The following CCDC175 variants were observed in gnomAD, a reference collection of about 807,000 sequenced individuals.
CCDC175 encodes coiled-coil domain containing 175.
CCDC175 carries 100 observed loss-of-function variants against 114.6 expected under a neutral mutation model. That is an observed-to-expected ratio of 0.87 (90% CI 0.74 to 1.03). The LOEUF is 1.03. Among genes scored for constraint, CCDC175 ranks in the 50% least tolerant of loss-of-function variants. The pLI, the probability that CCDC175 is intolerant of heterozygous loss-of-function variation, is 0.00. For synonymous variants in CCDC175, 306 were observed against 308.7 expected, an observed-to-expected ratio of 0.99 and a Z score of 0.09; for missense variants, 880 against 917.8, an observed-to-expected ratio of 0.96 and a Z score of 0.53.
intron 8 of CCDC175, among the ~76,000 whole-genome samples, chr14:59,547,108 T>TG (rs1895159994): frequency 6.6e-6 from 1 of 152,122 alleles, no homozygotes; most frequent in South Asian, 2.1e-4. Context: ...CTGAAAATTT[T>TG]GCAGAACTTA....
chr14:59,549,719 C>CAAAAAAA (rs370269871), intron 8 of CCDC175, among the ~76,000 whole-genome samples: 1 of 89,634 alleles, frequency 1.1e-5, no homozygotes, highest in African/African-American at 4.3e-5. Flanking sequence ...GACTATGTCT[C>CAAAAAAA]AAAAAAAAAA....
chr14:59,513,175 CTT>C (rs1386328810), intron 17 of CCDC175, among the ~76,000 whole-genome samples: 2 of 152,066 alleles, frequency 1.3e-5, no homozygotes, highest in Non-Finnish European at 2.9e-5. Flanking sequence ...AAAAAGTTCA[CTT>C]GAGGGGGGTG....
chr14:59,534,817 C>T (rs984456438), intron 13 of CCDC175, among the ~76,000 whole-genome samples: 17 of 152,126 alleles, frequency 1.1e-4, no homozygotes, highest in Non-Finnish European at 2.5e-4. Context: ...ACAACACATC[C>T]CAACACTGGG....
intron 8 of CCDC175, among the ~76,000 whole-genome samples, chr14:59,548,549 G>A (rs1016766762): frequency 1.3e-5 from 2 of 152,190 alleles, no homozygotes; most frequent in East Asian, 3.8e-4. Flanking sequence ...CAGTTTAGGG[G>A]TCCTAGACTG....
chr14:59,506,834 C>T (rs1305935379), intron 19 of CCDC175, among the ~76,000 whole-genome samples: 2 of 152,072 alleles, frequency 1.3e-5, no homozygotes, highest in South Asian at 2.1e-4. Flanking sequence ...CAGTTATATA[C>T]ATTGATTTTT....
intron 17 of CCDC175, among the ~76,000 whole-genome samples, chr14:59,516,023 T>C (rs983640483): frequency 6.6e-6 from 1 of 152,078 alleles, no homozygotes; most frequent in African/African-American, 2.4e-5. Flanking sequence ...TCACTCAAAA[T>C]CGCTCAACTA....
intron 3 of CCDC175, among the ~76,000 whole-genome samples, chr14:59,569,375 G>A (rs890806469): frequency 6.6e-6 from 1 of 152,194 alleles, no homozygotes; most frequent in Non-Finnish European, 1.5e-5. Context: ...CAGAGATTCT[G>A]TATTTTCTCA....
intron 2 of CCDC175, among the ~76,000 whole-genome samples, chr14:59,574,708 C>T (rs2140138423): frequency 6.6e-6 from 1 of 152,334 alleles, no homozygotes; most frequent in East Asian, 1.9e-4. Context: ...AGCTTGCCCT[C>T]ATCCACAGCC....
chr14:59,561,962 A>C lies in CCDC175; in HGVS notation c.844-734T>G, dbSNP rs140526941. 4.8e-3 allele frequency among the ~76,000 whole-genome samples: 726 copies of C among 152,318 alleles called. 5 individuals carry two copies. Among genetic ancestry groups the C allele is most frequent in the Middle Eastern group, 0.024 (7 of 294 alleles). On this transcript the variant is annotated intron_variant, in intron 6 of 19. Coordinates refer to ENST00000537690, the MANE Select transcript of CCDC175 (RefSeq NM_001164399.2). ...TAATGCCATCTAACCCTGGACAGCA[A>C]TGTGGGATCAGAGATACACCTGTGG...
At chr14:59,514,763 C>A (rs1385878223) in intron 17 of CCDC175, among the ~76,000 whole-genome samples, 2 of 152,198 alleles carry the variant, frequency 1.3e-5, no homozygotes, top group African/African-American at 4.8e-5. Flanking sequence ...TACAGGAGAA[C>A]TTCCCCAATC....
intron 8 of CCDC175, among the ~76,000 whole-genome samples, chr14:59,547,022 T>C (rs534259675): frequency 6.6e-6 from 1 of 152,152 alleles, no homozygotes; most frequent in Non-Finnish European, 1.5e-5. Flanking sequence ...GGAGGATCAC[T>C]TGAGCCCAGG....
chr14:59,570,254 C>T (rs1355602666), intron 3 of CCDC175, among the ~76,000 whole-genome samples: 2 of 152,134 alleles, frequency 1.3e-5, no homozygotes, highest in Non-Finnish European at 2.9e-5. Context: ...GCACACACTG[C>T]AAGAGTCAGC....
At chr14:59,521,817 A>G (rs1893443327) in intron 16 of CCDC175, 141 bp from the exon 17 acceptor site, 1 of 544,498 alleles carries the variant, frequency 1.8e-6, no homozygotes, top group African/African-American at 1.9e-5. Context: ...TGGGGAATAA[A>G]ACATACCTTG....
chr14:59,511,625 A>AGC (rs1594973918), intron 18 of CCDC175, 135 bp downstream of exon 18: 2 of 515,150 alleles, frequency 3.9e-6, no homozygotes, highest in Admixed American at 3.0e-5. Context: ...GGAGTGAGAG[A>AGC]GCTAGTGTGA....
At chr14:59,544,816 T>C (rs1336734636) in intron 9 of CCDC175, among the ~76,000 whole-genome samples, 1 of 151,996 alleles carries the variant, frequency 6.6e-6, no homozygotes, top group South Asian at 2.1e-4. Flanking sequence ...GGTGGGACCT[T>C]ATAAAAGAAA....
chr14:59,516,075 C>A (rs937210380), intron 17 of CCDC175, among the ~76,000 whole-genome samples: 3 of 152,088 alleles, frequency 2.0e-5, no homozygotes, highest in Admixed American at 6.6e-5. Context: ...CTACTGGGTA[C>A]ATAACGAAAT....
intron 7 of CCDC175, 70 bp downstream of exon 7, chr14:59,561,049 C>T (rs1421215403): frequency 8.7e-6 from 6 of 693,252 alleles, no homozygotes; most frequent in Non-Finnish European, 1.2e-5. Flanking sequence ...GAAAACATAG[C>T]ATATTAACTA....
intron 10 of CCDC175, among the ~76,000 whole-genome samples, chr14:59,542,381 A>G (rs1894841082): frequency 6.6e-6 from 1 of 152,204 alleles, no homozygotes; most frequent in Non-Finnish European, 1.5e-5. Flanking sequence ...GTACAATGGT[A>G]GAATATTTAC....
At position 59,568,311 on chromosome 14, in the gene CCDC175, G is replaced by A; in HGVS notation, c.425C>T (p.Thr142Ile). The A allele has an allele frequency of 6.5e-7, 1 of 1,532,596 alleles. No homozygotes were observed. 94.9% of individuals were successfully genotyped at this position (1,532,596 alleles called of 1,614,324 possible). A position where few individuals can be genotyped will look rare whatever the true frequency, so the allele number is the denominator to read the frequency against. ...INTIKMRITR[T>I]ENEIELLKKK... ...CTTCAGAAGCTCTATTTCATTCTCT[G>A]TCCTTGTAATTCTCATTTTTATTGT... Residue 142 changes from threonine to isoleucine, a missense_variant, in exon 4 of 20, where the codon ACA becomes ATA. Physicochemically the swap from Thr to Ile is moderately conservative, Grantham distance 89. Transcript: ENST00000537690.
Sources: allele counts gnomAD v4.1 joint callset (sites outside exome capture counted in the v4.1 genomes callset), GRCh38; gene constraint gnomAD v4.1.1; transcripts MANE v1.5; gene names NCBI Gene and HGNC (gene_info 2026-07-23, HGNC 2026-07-21).